Variants in LRMDA observed in about 807,000 individuals in gnomAD.
LRMDA encodes leucine rich melanocyte differentiation associated.
A neutral mutation model predicts 29.8 loss-of-function variants in LRMDA; 18 were observed. The ratio of observed to expected loss-of-function variants is 0.60; its 90% CI spans 0.42 to 0.90. LRMDA has a LOEUF of 0.90. LRMDA is among the 40% of genes least tolerant of loss of function. The pLI is 0.00. For missense variants in LRMDA, 273 were observed against 273.9 expected (o/e 1.00, Z 0.02); for synonymous variants, 125 against 109.4 (o/e 1.14, Z -0.89).
intron 2 of LRMDA, among the ~76,000 whole-genome samples, chr10:75,589,940 G>A (rs1306003614): frequency 6.6e-6 from 1 of 151,126 alleles, no homozygotes; most frequent in Non-Finnish European, 1.5e-5. Context: ...CACATTTTTG[G>A]TTATTCATTT....
intron 6 of LRMDA, among the ~76,000 whole-genome samples, chr10:76,389,530 G>T (rs759793014): frequency 1.3e-5 from 2 of 152,078 alleles, no homozygotes; most frequent in Non-Finnish European, 2.9e-5. Context: ...GTTCAGTGGC[G>T]TTAAGTACCT....
At chr10:75,654,100 G>A (rs1042135514) in intron 2 of LRMDA, among the ~76,000 whole-genome samples, 8 of 152,100 alleles carry the variant, frequency 5.3e-5, no homozygotes, top group Non-Finnish European at 1.0e-4. Flanking sequence ...CGGAGGGATG[G>A]GCTAATGTGA....
chr10:75,593,811 C>T (rs1479954806), intron 2 of LRMDA, among the ~76,000 whole-genome samples: 1 of 151,346 alleles, frequency 6.6e-6, no homozygotes, highest in Non-Finnish European at 1.5e-5. Context: ...CCCTTGGGGG[C>T]GCCAGACAAG....
intron 5 of LRMDA, among the ~76,000 whole-genome samples, chr10:76,123,344 A>C (rs1589337500): frequency 3.1e-5 from 1 of 32,244 alleles, no homozygotes; most frequent in South Asian, 1.0e-3. Flanking sequence ...ATTTCTACCA[A>C]AAAAAAAAAA....
At chr10:76,553,585 T>G (rs1843520795) in intron 6 of LRMDA, among the ~76,000 whole-genome samples, 1 of 152,252 alleles carries the variant, frequency 6.6e-6, no homozygotes, top group Non-Finnish European at 1.5e-5. Context: ...CCTCATATTT[T>G]ACAAATAACC....
intron 2 of LRMDA, among the ~76,000 whole-genome samples, chr10:75,710,386 A>C (rs1157535903): frequency 1.3e-5 from 2 of 152,204 alleles, no homozygotes; most frequent in Non-Finnish European, 2.9e-5. Flanking sequence ...TACGGTTAAT[A>C]GCAATCATTT....
chr10:76,033,862 G>A lies in LRMDA; in HGVS notation c.132-2146G>A, dbSNP rs898440666. ...AAGAGCCCGAAAGTCCCCTGCACAA[G>A]CCTGACTTGCTGCACGCCTCCTCTG... On this transcript the variant is annotated intron_variant, in intron 2 of 6. Transcript: ENST00000611255. 3.3e-5 allele frequency among the ~76,000 whole-genome samples: 5 copies of A among 152,144 alleles called. No homozygotes were observed. In the East Asian group the frequency reaches 7.8e-4, roughly 24 times the overall value.
At chr10:75,569,728 CCTT>C (rs751580643) in intron 2 of LRMDA, among the ~76,000 whole-genome samples, 1 of 152,200 alleles carries the variant, frequency 6.6e-6, no homozygotes, top group South Asian at 2.1e-4. Context: ...ATTGTTTTCT[CCTT>C]CTGATTGTGC....
intron 6 of LRMDA, among the ~76,000 whole-genome samples, chr10:76,413,870 G>T (rs1379411286): frequency 6.6e-6 from 1 of 152,126 alleles, no homozygotes; most frequent in Non-Finnish European, 1.5e-5. Flanking sequence ...GCCTGGTAAA[G>T]AAAATTTCTA....
At chr10:75,659,577 TA>T (rs1841723673) in intron 2 of LRMDA, among the ~76,000 whole-genome samples, 1 of 152,164 alleles carries the variant, frequency 6.6e-6, no homozygotes, top group East Asian at 1.9e-4. Flanking sequence ...CTTATATGTG[TA>T]ATCTAAAAGA....
intron 5 of LRMDA, among the ~76,000 whole-genome samples, chr10:76,235,106 A>G (rs114445543): frequency 0.013 from 2,047 of 152,200 alleles, 44 homozygotes; most frequent in African/African-American, 0.043. Context: ...TTTCACCTGA[A>G]CACTTAGAAG....
intron 6 of LRMDA, among the ~76,000 whole-genome samples, chr10:76,518,923 T>A (rs935790996): frequency 6.6e-6 from 1 of 152,164 alleles, no homozygotes; most frequent in Admixed American, 6.5e-5. Context: ...TAAAAGCAAA[T>A]GTTAACAAAT....
rs3042539 is a variant in LRMDA, at chr10:75,973,021, A to ACAGCAGCAGCAGCAG, written c.132-62949_132-62935dup. 9.8e-4 allele frequency among the ~76,000 whole-genome samples: 146 copies of ACAGCAGCAGCAGCAG among 148,968 alleles called. 1 individual carries two copies. In the Middle Eastern group the frequency reaches 0.014, roughly 14 times the overall value. On this transcript the variant is annotated intron_variant, in intron 2 of 6. Coordinates refer to ENST00000611255, the MANE Select transcript of LRMDA (RefSeq NM_001305581.2). ...CTTTCAGGACAAAACCACTTTAACA[A>ACAGCAGCAGCAGCAG]CAGCAGCAGCAGCAGCAGCAGCAGC...
At chr10:75,994,633 G>T (rs183665733) in intron 2 of LRMDA, among the ~76,000 whole-genome samples, 163 of 152,254 alleles carry the variant, frequency 1.1e-3, no homozygotes, top group Admixed American at 1.3e-3. Context: ...GCTCACCTCT[G>T]GAAAGACCAA....
chr10:75,898,116 G>A lies in LRMDA; in HGVS notation c.132-137892G>A, dbSNP rs917204799. On this transcript the variant is annotated intron_variant, in intron 2 of 6. Coordinates refer to ENST00000611255, the MANE Select transcript of LRMDA (RefSeq NM_001305581.2). ...TGGGATTACAGGCGTGAGCCACTGC[G>A]CCTGGCCTTCCTACTACTTTTTAAA... is the stretch of plus-strand genomic sequence containing the variant. 5.3e-5 allele frequency among the ~76,000 whole-genome samples: 8 copies of A among 152,212 alleles called. No homozygotes were observed. In the South Asian group the frequency reaches 1.2e-3, roughly 24 times the overall value.
At chr10:76,185,627 G>A (rs187469324) in intron 5 of LRMDA, among the ~76,000 whole-genome samples, 10 of 152,268 alleles carry the variant, frequency 6.6e-5, no homozygotes, top group Admixed American at 2.0e-4. Context: ...ATGTTTGTGC[G>A]AGGGATATGT....
intron 6 of LRMDA, among the ~76,000 whole-genome samples, chr10:76,469,270 G>T (rs929053558): frequency 2.0e-5 from 3 of 152,124 alleles, no homozygotes; most frequent in Admixed American, 6.6e-5. Flanking sequence ...CAGAAGAGCA[G>T]GCTGCCAACA....
intron 2 of LRMDA, among the ~76,000 whole-genome samples, chr10:75,584,198 C>G (rs888518930): frequency 1.3e-5 from 2 of 152,144 alleles, no homozygotes; most frequent in Non-Finnish European, 2.9e-5. Flanking sequence ...TGCTTTTACT[C>G]ATGATGTTCC....
intron 1 of LRMDA, among the ~76,000 whole-genome samples, chr10:75,433,312 A>C (rs575565442): frequency 2.8e-4 from 42 of 151,924 alleles, no homozygotes; most frequent in Non-Finnish European, 5.6e-4. Flanking sequence ...TCCGTTTCCT[A>C]GATTCGATTT....
Sources: allele counts gnomAD v4.1 joint callset (sites outside exome capture counted in the v4.1 genomes callset), GRCh38; gene constraint gnomAD v4.1.1; transcripts MANE v1.5; gene names NCBI Gene and HGNC (gene_info 2026-07-23, HGNC 2026-07-21).